ABCA4: variants seen among roughly 807,000 people sequenced by gnomAD.
ABCA4 encodes the protein ATP binding cassette subfamily A member 4.
ABCA4 carries 196 observed loss-of-function variants against 263.7 expected under a neutral mutation model. The ratio of observed to expected loss-of-function variants is 0.74; its 90% confidence interval spans 0.66 to 0.84. The LOEUF (loss-of-function observed/expected upper bound fraction) is 0.84. Among genes scored for constraint, ABCA4 ranks in the 40% least tolerant of loss-of-function variants. The pLI, the probability that ABCA4 is intolerant of heterozygous loss-of-function variation, is 0.00. For missense variants in ABCA4, 2,792 were observed against 2,855.1 expected (o/e 0.98, Z 0.50); for synonymous variants, 1,133 against 1,094.2 (o/e 1.04, Z -0.70).
intron 39 of ABCA4, 64 bp downstream of exon 39, chr1:94,011,198 C>T (rs928554981): frequency 6.2e-7 from 1 of 1,612,630 alleles, no homozygotes; most frequent in South Asian, 1.1e-5. Context: ...GCAGGAGCCC[C>T]CCCGGTAACC....
At chr1:94,095,831 G>A (rs1474979105) in intron 6 of ABCA4, among the ~76,000 whole-genome samples, 4 of 145,772 alleles carry the variant, frequency 2.7e-5, no homozygotes, top group Non-Finnish European at 4.5e-5. Context: ...GGCACCAGAA[G>A]ACTAGATGTG....
Position 94,055,636 on chromosome 1 carries a change from T to C in ABCA4, c.2383-321A>G, listed in dbSNP as rs145025640. 4.1e-3 allele frequency among the ~76,000 whole-genome samples: 629 copies of C among 152,342 alleles called. 3 individuals are homozygous for C. Among genetic ancestry groups the C allele is most frequent in the Non-Finnish European group, 6.6e-3 (452 of 68,032 alleles). The stretch of plus-strand genomic sequence containing the variant: ...CCCAAGAAGATGGCCTCAAATTCCA[T>C]CTGCCTACTCAAGGATTACCAAAAT... On this transcript the variant is annotated intron_variant, in intron 15 of 49. Transcript: ENST00000370225.
In ABCA4 at chr1:94,007,618, G is replaced by A; in HGVS notation, c.6005+16C>T. On this transcript the variant is annotated intron_variant, in intron 43 of 49. Coordinates refer to ENST00000370225, the MANE Select transcript of ABCA4 (RefSeq NM_000350.3). ...CTGTGAGAGACTCCCTGAGACAGGA[G>A]GAGCAGGATACTCACCTCTTGCCTG... 1 of 1,598,920 alleles carries A rather than the reference G, an allele frequency of 6.3e-7. No homozygotes were observed. The highest frequency in any genetic ancestry group is 8.6e-7 in the Non-Finnish European group (1 of 1,166,226).
intron 5 of ABCA4, among the ~76,000 whole-genome samples, chr1:94,100,083 C>G (rs142728130): frequency 5.5e-4 from 84 of 152,300 alleles, no homozygotes; most frequent in African/African-American, 1.9e-3. Flanking sequence ...CGACGTGGCT[C>G]TCTGGGCTGG....
At position 94,030,469 on chromosome 1, in the gene ABCA4, C is replaced by G; in HGVS notation, c.4311G>C (p.Lys1437Asn). 6.2e-7 allele frequency: 1 copy of G among 1,614,220 alleles called. No individual in the cohort carries two copies. The highest frequency in any genetic ancestry group is 1.1e-5 in the South Asian group (1 of 91,088). Residue 1437 changes from lysine to asparagine, a missense_variant, in exon 29 of 50, where the codon AAG becomes AAC. Transcript: ENST00000370225. ...TCAGGCAGCGGTTGCCAAAGCCTGG[C>G]TTATTCAGGAGGACGTCTGCAAGTA... ...FTVLADVLLNKPGFGNRCLKE... is the reference protein window; with the variant it reads ...FTVLADVLLNNPGFGNRCLKE...
chr1:94,019,368 C>T (rs1336817711), intron 36 of ABCA4: 12 of 577,700 alleles, frequency 2.1e-5, no homozygotes, highest in Non-Finnish European at 3.4e-5. Context: ...TGTTAAGCTG[C>T]ACCCCACAGC....
intron 25 of ABCA4, 76 bp downstream of exon 25, chr1:94,037,069 T>A: frequency 9.4e-6 from 14 of 1,482,584 alleles, no homozygotes; most frequent in Non-Finnish European, 1.3e-5. Context: ...TACAAAACTT[T>A]GCTCTAATGT....
At chr1:94,070,150 A>G (rs1193170684) in intron 11 of ABCA4, among the ~76,000 whole-genome samples, 1 of 152,220 alleles carries the variant, frequency 6.6e-6, no homozygotes, top group Non-Finnish European at 1.5e-5. Context: ...AGAGCTGGGC[A>G]CTGACCAATC....
intron 5 of ABCA4, among the ~76,000 whole-genome samples, chr1:94,102,073 A>G (rs953810884): frequency 6.6e-5 from 10 of 152,208 alleles, no homozygotes; most frequent in African/African-American, 2.4e-4. Context: ...GTAACTGTGC[A>G]CAAATCACCC....
intron 48 of ABCA4, among the ~76,000 whole-genome samples, chr1:93,997,534 A>G (rs1284904104): frequency 1.3e-5 from 2 of 151,776 alleles, no homozygotes; most frequent in African/African-American, 2.4e-5. Context: ...CCTCCCAAAG[A>G]ACCTGTGTTT....
In ABCA4 at chr1:94,000,863, A is replaced by G. The variant is rs758183365; in HGVS notation, c.6452T>C (p.Met2151Thr). 1.9e-6 allele frequency: 3 copies of G among 1,614,218 alleles called. No homozygotes were observed. The highest frequency in any genetic ancestry group is 1.6e-4 in the Middle Eastern group (1 of 6,062). The change falls in exon 47 of 50, where the codon ATG (methionine) becomes ACG (threonine). Residue 2151 changes from methionine to threonine, a missense_variant. By Grantham distance (81) the Met-to-Thr change is moderately conservative. Transcript: ENST00000370225. ...AIMVKGAFRCMGTIQHLKSKF... is the reference protein window; with the variant it reads ...AIMVKGAFRCTGTIQHLKSKF... The stretch of plus-strand genomic sequence containing the variant: ...GGACTTGAGATGCTGAATGGTGCCC[A>G]TACATCGAAAGGCGCCCTTTACCAT...
Position 94,098,883 on chromosome 1 carries a change from A to C in ABCA4, c.679T>G (p.Tyr227Asp), listed in dbSNP as rs1557803637. Residue 227 changes from tyrosine to aspartate, a missense_variant, in exon 6 of 50, where the codon TAT (tyrosine) becomes GAT (aspartate). Coordinates refer to ENST00000370225, the MANE Select transcript of ABCA4 (RefSeq NM_000350.3). ...SQRRGAKTVR[Y>D]ALCSLSQGTL... ...CCCTGGGAGAGGGAGCACAGGGCATAGCGCACCGTCTTTGCCCCGCGTCTC... is the reference window on the plus strand; with the variant it reads ...CCCTGGGAGAGGGAGCACAGGGCATCGCGCACCGTCTTTGCCCCGCGTCTC... The C allele has an allele frequency of 6.2e-7, 1 of 1,614,138 alleles. No individual in the cohort carries two copies. Among genetic ancestry groups the C allele is most frequent in the Non-Finnish European group, 8.5e-7 (1 of 1,180,036 alleles).
At chr1:94,111,653 C>T (rs1305318724) in intron 2 of ABCA4, 74 bp from the exon 3 acceptor site, 10 of 1,584,594 alleles carry the variant, frequency 6.3e-6, no homozygotes, top group Non-Finnish European at 7.8e-6. Context: ...AGGAGTTGGC[C>T]TTTTTGGGAA....
intron 3 of ABCA4, 67 bp downstream of exon 3, chr1:94,111,371 T>A (rs202216184): frequency 8.1e-5 from 128 of 1,582,694 alleles, no homozygotes; most frequent in Admixed American, 6.8e-5. Context: ...TGCACGCACG[T>A]GTGCATTTCA....
chr1:94,070,616 G>A (rs1220590940), intron 11 of ABCA4, among the ~76,000 whole-genome samples: 1 of 152,226 alleles, frequency 6.6e-6, no homozygotes, highest in East Asian at 1.9e-4. Context: ...GAGGGGTTCA[G>A]GGCCATGAAG....
At chr1:94,107,658 C>T (rs1319966215) in intron 4 of ABCA4, among the ~76,000 whole-genome samples, 3 of 152,192 alleles carry the variant, frequency 2.0e-5, no homozygotes, top group East Asian at 1.9e-4. Flanking sequence ...CCTGCACAAC[C>T]GTGGTGTCCG....
At chr1:94,111,977 A>T (rs560978699) in intron 2 of ABCA4, among the ~76,000 whole-genome samples, 1 of 152,222 alleles carries the variant, frequency 6.6e-6, no homozygotes, top group Non-Finnish European at 1.5e-5. Context: ...ACCTACCCCA[A>T]GCATGCAGTA....
intron 14 of ABCA4, among the ~76,000 whole-genome samples, chr1:94,059,253 C>T (rs1661055660): frequency 6.6e-6 from 1 of 152,130 alleles, no homozygotes; most frequent in Admixed American, 6.5e-5. Context: ...TGGGAAAGAA[C>T]AAGGGAAACC....
In ABCA4 at chr1:94,117,761, C is replaced by T. The variant is rs551610391; in HGVS notation, c.66+3219G>A. Among the ~76,000 whole-genome samples the T allele has an allele frequency of 4.6e-5, 7 of 152,238 alleles. No homozygotes were observed. The South Asian group carries it at 6.2e-4, about 14-fold the overall frequency. ...CCCATCCGTGTTTCCTTCTACTCCA[C>T]GGTCTCCACGTTGTGCTGCACAGTA... On this transcript the variant is annotated intron_variant, in intron 1 of 49. Coordinates refer to ENST00000370225, the MANE Select transcript of ABCA4 (RefSeq NM_000350.3).
Sources: gnomAD v4.1 joint callset for allele counts (sites outside exome capture counted in the v4.1 genomes callset) on GRCh38, gnomAD v4.1.1 for gene constraint, MANE v1.5 for transcripts, NCBI Gene and HGNC (gene_info 2026-07-23, HGNC 2026-07-21) for gene names.